UNC5D: variants seen among roughly 807,000 people sequenced by gnomAD.
UNC5D encodes netrin receptor UNC5D.
In UNC5D, 39 loss-of-function variants were observed where a neutral mutation model predicts 105.4. That is an observed-to-expected ratio of 0.37 (90% CI 0.29 to 0.48). UNC5D has a LOEUF of 0.48. Among genes scored for constraint, UNC5D ranks in the 20% least tolerant of loss-of-function variants. The pLI, the probability that UNC5D is intolerant of heterozygous loss-of-function variation, is 0.98. For synonymous variants in UNC5D, 452 were observed against 450.4 expected (o/e 1.00, Z -0.04); for missense variants, 991 against 1,202.4 (o/e 0.82, Z 2.60).
At chr8:35,520,076 C>A (rs1813361092) in intron 1 of UNC5D, among the ~76,000 whole-genome samples, 1 of 151,926 alleles carries the variant, frequency 6.6e-6, no homozygotes, top group African/African-American at 2.4e-5. Context: ...ATACTCTACC[C>A]AAGAGAAATG....
At chr8:35,577,920 C>T (rs1818199268) in intron 3 of UNC5D, among the ~76,000 whole-genome samples, 1 of 151,966 alleles carries the variant, frequency 6.6e-6, no homozygotes, top group East Asian at 1.9e-4. Flanking sequence ...TACATCACTT[C>T]AATGATATCC....
At chr8:35,621,360 T>C (rs1017702809) in intron 4 of UNC5D, among the ~76,000 whole-genome samples, 1 of 151,912 alleles carries the variant, frequency 6.6e-6, no homozygotes, top group Non-Finnish European at 1.5e-5. Context: ...CATAGCAGAG[T>C]ACCTAGCATG....
At chr8:35,384,964 G>A (rs1262535812) in intron 1 of UNC5D, among the ~76,000 whole-genome samples, 1 of 152,180 alleles carries the variant, frequency 6.6e-6, no homozygotes, top group East Asian at 1.9e-4. Context: ...TAAAGTTGAG[G>A]TGGGGGAACA....
chr8:35,257,276 C>T (rs1348775799), intron 1 of UNC5D, among the ~76,000 whole-genome samples: 1 of 152,088 alleles, frequency 6.6e-6, no homozygotes. Context: ...GCCTGGCTAT[C>T]TCTTATATTA....
intron 1 of UNC5D, among the ~76,000 whole-genome samples, chr8:35,325,622 A>G (rs1294132669): frequency 6.6e-6 from 1 of 152,190 alleles, no homozygotes; most frequent in Admixed American, 6.5e-5. Flanking sequence ...ACACACATAC[A>G]ATGCGTTCTA....
intron 1 of UNC5D, among the ~76,000 whole-genome samples, chr8:35,335,756 A>AT (rs35774459): frequency 0.13 from 11,568 of 90,216 alleles, 1,273 homozygotes; most frequent in African/African-American, 0.2. Flanking sequence ...AGAGATTGCA[A>AT]TTTTTTTTTT....
chr8:35,538,437 A>ACG (rs1815028699), intron 1 of UNC5D, among the ~76,000 whole-genome samples: 1 of 135,326 alleles, frequency 7.4e-6, no homozygotes, highest in African/African-American at 2.7e-5. Context: ...ATATATATAT[A>ACG]TATGAATTTT....
At chr8:35,540,202 G>T (rs1356274845) in intron 1 of UNC5D, among the ~76,000 whole-genome samples, 1 of 152,054 alleles carries the variant, frequency 6.6e-6, no homozygotes, top group Non-Finnish European at 1.5e-5. Flanking sequence ...GTTGGGGGAG[G>T]AATTAAACAA....
chr8:35,561,927 A>G (rs1816994803), intron 2 of UNC5D, among the ~76,000 whole-genome samples: 1 of 152,184 alleles, frequency 6.6e-6, no homozygotes, highest in South Asian at 2.1e-4. Flanking sequence ...TATGCAATAG[A>G]TTATCGTTAA....
rs112156202 is a variant in UNC5D at position 35,420,026 on chromosome 8, G to A, written c.104-129266G>A. On this transcript the variant is annotated intron_variant, in intron 1 of 16. Transcript: ENST00000404895. ...GGAGTGCATGCTGATTGGTCCATGG[G>A]TGGGCCTGGAAAAAGCATTATTTGA... Among the ~76,000 whole-genome samples the A allele has an allele frequency of 9.2e-3, 1,404 of 152,082 alleles. 22 individuals carry two copies. Among genetic ancestry groups the A allele is most frequent in the African/African-American group, 0.032 (1,333 of 41,458 alleles).
chr8:35,484,414 A>G (rs1810697090), intron 1 of UNC5D, among the ~76,000 whole-genome samples: 1 of 152,104 alleles, frequency 6.6e-6, no homozygotes, highest in South Asian at 2.1e-4. Context: ...ATGTCTTATT[A>G]TCCTCTAATA....
chr8:35,604,683 A>T (rs967955062), intron 4 of UNC5D, among the ~76,000 whole-genome samples: 2 of 152,190 alleles, frequency 1.3e-5, no homozygotes, highest in African/African-American at 4.8e-5. Flanking sequence ...AGGTATACCA[A>T]TTAGACGTAG....
intron 1 of UNC5D, among the ~76,000 whole-genome samples, chr8:35,330,303 A>G (rs1810514404): frequency 6.6e-6 from 1 of 152,234 alleles, no homozygotes. Context: ...TAATTGGAAG[A>G]TAAAGATTTG....
At chr8:35,482,556 G>T (rs1329187469) in intron 1 of UNC5D, among the ~76,000 whole-genome samples, 1 of 151,932 alleles carries the variant, frequency 6.6e-6, no homozygotes, top group East Asian at 1.9e-4. Flanking sequence ...CTCTTATATG[G>T]ATCTGTGAAT....
At chr8:35,741,994 A>G (rs960626163) in intron 11 of UNC5D, among the ~76,000 whole-genome samples, 1 of 152,200 alleles carries the variant, frequency 6.6e-6, no homozygotes, top group African/African-American at 2.4e-5. Flanking sequence ...CTGCTATAAT[A>G]AAGAGAAGAT....
chr8:35,296,118 C>T (rs914502857), intron 1 of UNC5D, among the ~76,000 whole-genome samples: 8 of 152,142 alleles, frequency 5.3e-5, no homozygotes, highest in Non-Finnish European at 1.2e-4. Flanking sequence ...AATGCTACAG[C>T]GATCATGGAA....
At chr8:35,789,354 T>C (rs1802922127) in intron 16 of UNC5D, among the ~76,000 whole-genome samples, 1 of 150,898 alleles carries the variant, frequency 6.6e-6, no homozygotes, top group Non-Finnish European at 1.5e-5. Flanking sequence ...GATTTTGCTG[T>C]GATTTAGACC....
At chr8:35,420,348 C>G (rs950557354) in intron 1 of UNC5D, among the ~76,000 whole-genome samples, 8 of 152,110 alleles carry the variant, frequency 5.3e-5, no homozygotes, top group Non-Finnish European at 1.0e-4. Context: ...GATCTGCCTG[C>G]CTAGGAAACT....
At chr8:35,737,254 G>C (rs768087574) in intron 11 of UNC5D, among the ~76,000 whole-genome samples, 10 of 61,286 alleles carry the variant, frequency 1.6e-4, no homozygotes, top group African/African-American at 2.7e-4. Flanking sequence ...GATCTGCTCT[G>C]TGTGTGTGTG....
Sources: allele counts gnomAD v4.1 joint callset (sites outside exome capture counted in the v4.1 genomes callset), GRCh38; gene constraint gnomAD v4.1.1; transcripts MANE v1.5; gene names NCBI Gene and HGNC (gene_info 2026-07-23, HGNC 2026-07-21).